The following TNFRSF21 variants were observed in gnomAD, a reference collection of about 807,000 sequenced individuals.
TNFRSF21 encodes the protein tumor necrosis factor receptor superfamily member 21.
A neutral mutation model predicts 45.6 loss-of-function variants in TNFRSF21; 19 were observed. The ratio of observed to expected loss-of-function variants is 0.42; its 90% confidence interval spans 0.29 to 0.61. TNFRSF21 has a LOEUF of 0.61. TNFRSF21 is among the 20% of genes least tolerant of loss of function. TNFRSF21 has a pLI of 0.23. For missense variants in TNFRSF21, 737 were observed against 851.5 expected, an observed-to-expected ratio of 0.87 and a Z score of 1.67; for synonymous variants, 314 against 335.5, an observed-to-expected ratio of 0.94 and a Z score of 0.70.
chr6:47,248,198 A>G (rs1169242779), intron 4 of TNFRSF21, among the ~76,000 whole-genome samples: 2 of 152,228 alleles, frequency 1.3e-5, no homozygotes, highest in African/African-American at 4.8e-5. Context: ...AACCACAGAT[A>G]TAATACTTCT....
At chr6:47,274,275 G>A (rs1363173917) in intron 3 of TNFRSF21, among the ~76,000 whole-genome samples, 1 of 152,110 alleles carries the variant, frequency 6.6e-6, no homozygotes, top group Non-Finnish European at 1.5e-5. Context: ...CATGGTACTG[G>A]TACCAAAACA....
At chr6:47,233,894 C>A (rs1412828976) in intron 5 of TNFRSF21, among the ~76,000 whole-genome samples, 1 of 152,090 alleles carries the variant, frequency 6.6e-6, no homozygotes, top group Non-Finnish European at 1.5e-5. Context: ...GTTGCAAATT[C>A]TTTGCCAAAA....
rs916785462 is a variant in TNFRSF21 at position 47,309,660 on chromosome 6, A to G, written c.-149T>C. 3 of 1,183,926 alleles carry G rather than the reference A, an allele frequency of 2.5e-6. No homozygotes were observed. The highest frequency in any genetic ancestry group is 3.3e-6 in the Non-Finnish European group (3 of 914,756). The allele number at this position is 1,183,926 out of a possible 1,614,324, so 73.3% of individuals were successfully genotyped here. On this transcript the variant is annotated 5_prime_UTR_variant, in exon 1 of 6. Coordinates refer to ENST00000296861, the MANE Select transcript of TNFRSF21 (RefSeq NM_014452.5). The stretch of plus-strand genomic sequence containing the variant: ...CCCATGTGCACTGCTGCGGCCGGGC[A>G]GAGGAGGGAGGCGGCAAGGGAGGCT...
chr6:47,292,384 A>C (rs1430401769), intron 1 of TNFRSF21, among the ~76,000 whole-genome samples: 1 of 152,098 alleles, frequency 6.6e-6, no homozygotes, highest in Non-Finnish European at 1.5e-5. Context: ...CTTTAAAAAA[A>C]AAAAATCACA....
intron 1 of TNFRSF21, among the ~76,000 whole-genome samples, chr6:47,299,501 A>G (rs1048838007): frequency 3.9e-5 from 6 of 152,206 alleles, no homozygotes; most frequent in Admixed American, 1.3e-4. Flanking sequence ...TCTCAAAAAT[A>G]AAAACATAAA....
intron 5 of TNFRSF21, among the ~76,000 whole-genome samples, chr6:47,234,111 C>T (rs1029579800): frequency 3.3e-5 from 5 of 152,198 alleles, no homozygotes; most frequent in African/African-American, 1.2e-4. Flanking sequence ...TTTGCCTCAG[C>T]CTCTGAGTAG....
rs758739581 is a variant in TNFRSF21, at chr6:47,284,081, A to G, written c.1100T>C (p.Val367Ala). 8 of 1,614,076 alleles carry G rather than the reference A, an allele frequency of 5.0e-6. No homozygotes were observed. The African/African-American group carries it at 8.0e-5, about 16-fold the overall frequency. ...CCTCGAGCTTTTCCGGATACTGCACACCACAATCACCACAAGCACCAGCAG... is the reference window on the plus strand; with the variant it reads ...CCTCGAGCTTTTCCGGATACTGCACGCCACAATCACCACAAGCACCAGCAG... ...FLLLVLVVIV[V>A]CSIRKSSRTL... The change falls in exon 3 of 6, where the codon GTG becomes GCG. Residue 367 changes from valine (V) to alanine (A), a missense_variant. Physicochemically the swap from Val to Ala is moderately conservative, Grantham distance 64. Transcript: ENST00000296861.
chr6:47,276,429 T>G (rs539010211), intron 3 of TNFRSF21, among the ~76,000 whole-genome samples: 22 of 152,338 alleles, frequency 1.4e-4, no homozygotes, highest in African/African-American at 5.3e-4. Flanking sequence ...GAGCTCGAAC[T>G]GTTGAAATTC....
chr6:47,264,781 CAG>C (rs1165341747), intron 3 of TNFRSF21, among the ~76,000 whole-genome samples: 1 of 152,098 alleles, frequency 6.6e-6, no homozygotes, highest in Non-Finnish European at 1.5e-5. Context: ...TTCCTGGACT[CAG>C]AGGTGGAAAA....
chr6:47,235,843 G>T (rs1332214353), intron 4 of TNFRSF21, among the ~76,000 whole-genome samples: 1 of 152,208 alleles, frequency 6.6e-6, no homozygotes, highest in Non-Finnish European at 1.5e-5. Flanking sequence ...TGTGAAGATT[G>T]CATTCTGGAG....
chr6:47,255,988 A>G lies in TNFRSF21; in HGVS notation c.1244-2467T>C, dbSNP rs187915106. Among the ~76,000 whole-genome samples, 393 of 152,348 alleles carry G rather than the reference A, an allele frequency of 2.6e-3. 6 individuals are homozygous for G. Among genetic ancestry groups the G allele is most frequent in the African/African-American group, 9.3e-3 (386 of 41,586 alleles). ...AAAAATAAAAATATTTTTTGCACCC[A>G]TCAGTTGTTCAGGAAAATATTTATA... On this transcript the variant is annotated intron_variant, in intron 3 of 5. Coordinates refer to ENST00000296861, the MANE Select transcript of TNFRSF21 (RefSeq NM_014452.5).
chr6:47,243,514 T>C (rs894478488), intron 4 of TNFRSF21, among the ~76,000 whole-genome samples: 2 of 152,112 alleles, frequency 1.3e-5, no homozygotes, highest in Non-Finnish European at 2.9e-5. Flanking sequence ...ATATCCTGTA[T>C]TCAATTGATT....
chr6:47,283,906 C>A, intron 3 of TNFRSF21, 32 bp downstream of exon 3: 2 of 1,590,110 alleles, frequency 1.3e-6, no homozygotes, highest in Middle Eastern at 2.0e-4. Flanking sequence ...GTAGAGAGAT[C>A]TGTGAGCAAG....
chr6:47,308,005 G>C (rs1437063373), intron 1 of TNFRSF21, among the ~76,000 whole-genome samples: 1 of 152,136 alleles, frequency 6.6e-6, no homozygotes, highest in East Asian at 1.9e-4. Flanking sequence ...TGTCAATCCA[G>C]GTTCATTGTC....
chr6:47,242,615 A>G (rs1764761787), intron 4 of TNFRSF21, among the ~76,000 whole-genome samples: 1 of 152,132 alleles, frequency 6.6e-6, no homozygotes, highest in African/African-American at 2.4e-5. Context: ...CTGGCTCCGG[A>G]GGGAGGGAAA....
intron 3 of TNFRSF21, among the ~76,000 whole-genome samples, chr6:47,272,088 T>C (rs1372818773): frequency 1.3e-5 from 2 of 152,100 alleles, no homozygotes; most frequent in East Asian, 1.9e-4. Context: ...CACCCCATTG[T>C]CAGTATTAGA....
At chr6:47,245,775 C>A (rs1178450122) in intron 4 of TNFRSF21, among the ~76,000 whole-genome samples, 1 of 151,874 alleles carries the variant, frequency 6.6e-6, no homozygotes, top group Admixed American at 6.6e-5. Flanking sequence ...AAAGAAATAC[C>A]TGAAGTTGGA....
intron 3 of TNFRSF21, among the ~76,000 whole-genome samples, chr6:47,259,664 T>C (rs758049722): frequency 3.9e-5 from 6 of 152,160 alleles, no homozygotes; most frequent in Admixed American, 1.3e-4. Flanking sequence ...TGTGAGCCAC[T>C]GTGCCCTGCC....
chr6:47,289,630 G>A (rs1260620396), intron 1 of TNFRSF21, among the ~76,000 whole-genome samples: 2 of 152,030 alleles, frequency 1.3e-5, no homozygotes, highest in Non-Finnish European at 2.9e-5. Context: ...ATAAGCCTCA[G>A]ACACCTTTTT....
Sources: allele counts gnomAD v4.1 joint callset (sites outside exome capture counted in the v4.1 genomes callset), GRCh38; gene constraint gnomAD v4.1.1; transcripts MANE v1.5; gene names NCBI Gene and HGNC (gene_info 2026-07-23, HGNC 2026-07-21).